The following RGS20 variants were observed in gnomAD, a reference collection of about 807,000 sequenced individuals.
RGS20 encodes regulator of G protein signaling 20, also known as gz-selective GTPase-activating protein.
A neutral mutation model predicts 33.6 loss-of-function variants in RGS20; 30 were observed. That is an observed-to-expected ratio of 0.89 (90% CI 0.67 to 1.21). The LOEUF (loss-of-function observed/expected upper bound fraction) is 1.21. Among genes scored for constraint, RGS20 ranks in the 50% most tolerant of loss-of-function variants. The pLI is 0.00. For missense variants in RGS20, 472 were observed against 502.4 expected (o/e 0.94, Z 0.58); for synonymous variants, 208 against 197.9 (o/e 1.05, Z -0.43).
chr8:53,855,722 G>A (rs1303236697), intron 1 of RGS20, among the ~76,000 whole-genome samples: 1 of 152,196 alleles, frequency 6.6e-6, no homozygotes, highest in Non-Finnish European at 1.5e-5. Flanking sequence ...TGTACATTCT[G>A]TGCACGTGAT....
intron 2 of RGS20, among the ~76,000 whole-genome samples, chr8:53,911,196 G>A (rs1160408412): frequency 6.6e-6 from 1 of 152,188 alleles, no homozygotes; most frequent in African/African-American, 2.4e-5. Flanking sequence ...AGCAGTGACT[G>A]AAAGTAAATG....
chr8:53,854,407 G>A (rs1811630144), intron 1 of RGS20, among the ~76,000 whole-genome samples: 1 of 151,384 alleles, frequency 6.6e-6, no homozygotes, highest in South Asian at 2.1e-4. Context: ...CAAGAATATG[G>A]GCAAAAGACA....
chr8:53,874,519 G>C (rs76583348), intron 1 of RGS20, among the ~76,000 whole-genome samples: 2,740 of 152,280 alleles, frequency 0.018, 79 homozygotes, highest in African/African-American at 0.062. Flanking sequence ...AAGCCAGCAG[G>C]CTGGAAATTC....
chr8:53,869,243 G>A (rs1468394521), intron 1 of RGS20, among the ~76,000 whole-genome samples: 2 of 152,136 alleles, frequency 1.3e-5, no homozygotes, highest in African/African-American at 2.4e-5. Flanking sequence ...TTTCTTTTTA[G>A]TTAGCTAGCA....
chr8:53,931,514 C>T (rs1449854356), intron 2 of RGS20, among the ~76,000 whole-genome samples: 2 of 152,050 alleles, frequency 1.3e-5, no homozygotes, highest in Non-Finnish European at 2.9e-5. Flanking sequence ...AAGATAATGC[C>T]ATTGCAGTCC....
chr8:53,878,689 G>A (rs1563353668), intron 1 of RGS20, among the ~76,000 whole-genome samples: 3 of 151,960 alleles, frequency 2.0e-5, no homozygotes, highest in Non-Finnish European at 4.4e-5. Flanking sequence ...GCCACCTTCA[G>A]CCACTATCTG....
intron 2 of RGS20, among the ~76,000 whole-genome samples, chr8:53,926,288 T>C (rs1813792898): frequency 6.6e-6 from 1 of 152,214 alleles, no homozygotes; most frequent in Non-Finnish European, 1.5e-5. Context: ...CTTATATTAT[T>C]GTCTAACTCT....
chr8:53,857,759 A>G (rs1184810036), intron 1 of RGS20, among the ~76,000 whole-genome samples: 1 of 152,244 alleles, frequency 6.6e-6, no homozygotes, highest in Non-Finnish European at 1.5e-5. Context: ...GCCAGTAAAT[A>G]TAATGCAAAT....
chr8:53,892,168 A>G (rs1284007508), intron 2 of RGS20, among the ~76,000 whole-genome samples: 1 of 152,034 alleles, frequency 6.6e-6, no homozygotes, highest in East Asian at 1.9e-4. Flanking sequence ...GTGATAGTTT[A>G]CTGAGAATGA....
At chr8:53,864,628 T>G (rs1458231016) in intron 1 of RGS20, among the ~76,000 whole-genome samples, 1 of 152,028 alleles carries the variant, frequency 6.6e-6, no homozygotes, top group African/African-American at 2.4e-5. Flanking sequence ...TCGTACATAG[T>G]GGGCACAGAG....
Position 53,914,414 on chromosome 8 carries a change from G to C in RGS20, c.511-25162G>C, listed in dbSNP as rs191051698. On this transcript the variant is annotated intron_variant, in intron 2 of 5. Transcript: ENST00000297313. Reference sequence around the variant, plus strand: ...TCTCCTTCTTTCTCTTCCTATTTTTGATCTTATCCCTTACAGATCTCCCTT... The same window carrying C: ...TCTCCTTCTTTCTCTTCCTATTTTTCATCTTATCCCTTACAGATCTCCCTT... Among the ~76,000 whole-genome samples the C allele has an allele frequency of 3.9e-5, 6 of 151,988 alleles. No individual in the cohort carries two copies. In the East Asian group the frequency reaches 5.8e-4, roughly 15 times the overall value.
chr8:53,917,861 T>G (rs1220252021), intron 2 of RGS20, among the ~76,000 whole-genome samples: 1 of 152,166 alleles, frequency 6.6e-6, no homozygotes, highest in Non-Finnish European at 1.5e-5. Context: ...AAAAGAAACC[T>G]TGTACCCATT....
chr8:53,946,801 T>G, intron 4 of RGS20, 53 bp downstream of exon 3: 4 of 1,423,178 alleles, frequency 2.8e-6, no homozygotes, highest in Non-Finnish European at 3.9e-6. Flanking sequence ...TACTAACCTC[T>G]TTCTTTTCTT....
intron 1 of RGS20, among the ~76,000 whole-genome samples, chr8:53,865,033 T>C (rs1811889799): frequency 6.6e-6 from 1 of 152,176 alleles, no homozygotes; most frequent in African/African-American, 2.4e-5. Flanking sequence ...GAGAAAGCCT[T>C]AGAACGACAG....
intron 2 of RGS20, among the ~76,000 whole-genome samples, chr8:53,923,001 C>T (rs1302312643): frequency 6.6e-6 from 1 of 151,722 alleles, no homozygotes; most frequent in African/African-American, 2.4e-5. Flanking sequence ...GCTTATAATA[C>T]CTTAATGTAT....
At chr8:53,923,997 A>G (rs1320974194) in intron 2 of RGS20, among the ~76,000 whole-genome samples, 1 of 150,786 alleles carries the variant, frequency 6.6e-6, no homozygotes, top group Non-Finnish European at 1.5e-5. Context: ...GCCTTTCTTC[A>G]TATGTTTTGG....
In RGS20 at chr8:53,921,405, G is replaced by A. The variant is rs79703182; in HGVS notation, c.511-18171G>A. On this transcript the variant is annotated intron_variant, in intron 2 of 5. Coordinates refer to ENST00000297313, the MANE Select transcript of RGS20 (RefSeq NM_170587.4). ...TACTAAATGTTTGGTAGAATTCACC[G>A]GTGAAACCAACTTGATCTGAGCTGA... Among the ~76,000 whole-genome samples the A allele has an allele frequency of 6.3e-3, 956 of 150,916 alleles. 11 individuals carry two copies. Among genetic ancestry groups the A allele is most frequent in the African/African-American group, 0.022 (905 of 41,210 alleles).
chr8:53,905,332 C>T (rs1448427035), intron 2 of RGS20, among the ~76,000 whole-genome samples: 1 of 152,174 alleles, frequency 6.6e-6, no homozygotes, highest in Non-Finnish European at 1.5e-5. Flanking sequence ...CACAAAAATC[C>T]ACCAGCTACT....
At chr8:53,925,151 T>C (rs1243238465) in intron 2 of RGS20, among the ~76,000 whole-genome samples, 1 of 152,188 alleles carries the variant, frequency 6.6e-6, no homozygotes, top group Non-Finnish European at 1.5e-5. Flanking sequence ...ATCTTGGTTT[T>C]GAACTCAACT....
Sources: allele counts gnomAD v4.1 joint callset (sites outside exome capture counted in the v4.1 genomes callset), GRCh38; gene constraint gnomAD v4.1.1; transcripts MANE v1.5; gene names NCBI Gene and HGNC (gene_info 2026-07-23, HGNC 2026-07-21).